The following EFHB variants were observed in gnomAD, a reference collection of about 807,000 sequenced individuals.
EFHB encodes the protein EF-hand domain-containing family member B.
In EFHB, 91 loss-of-function variants were observed where a neutral mutation model predicts 87.2. That is an observed-to-expected ratio of 1.04 (90% CI 0.88 to 1.24). EFHB has a LOEUF of 1.24. EFHB is among the 50% of genes most tolerant of loss of function. The probability of loss-of-function intolerance (pLI) is 0.00; values close to 1 mark genes in which losing one functional copy is unlikely to be tolerated. For missense variants in EFHB, 1,084 were observed against 998.8 expected, an observed-to-expected ratio of 1.09 and a Z score of -1.15; for synonymous variants, 325 against 333.6, an observed-to-expected ratio of 0.97 and a Z score of 0.28.
intron 1 of EFHB, chr3:19,943,107 G>C: frequency 4.0e-6 from 1 of 248,944 alleles, no homozygotes; most frequent in Non-Finnish European, 8.6e-6. Context: ...AATCAGATTT[G>C]GCATCAAAAA....
chr3:19,896,936 G>A, intron 8 of EFHB, 95 bp from the exon 9 acceptor site: 1 of 1,127,742 alleles, frequency 8.9e-7, no homozygotes, highest in East Asian at 2.6e-5. Context: ...CAACCTCTGT[G>A]AATGAAAGAA....
chr3:19,902,457 C>T (rs773313073), intron 6 of EFHB, among the ~76,000 whole-genome samples: 3 of 152,100 alleles, frequency 2.0e-5, no homozygotes, highest in East Asian at 1.9e-4. Flanking sequence ...CGGGTTCAAG[C>T]GATTCTCCTG....
At chr3:19,901,714 C>A (rs1266615747) in intron 6 of EFHB, among the ~76,000 whole-genome samples, 2 of 151,984 alleles carry the variant, frequency 1.3e-5, no homozygotes, top group Non-Finnish European at 2.9e-5. Flanking sequence ...TTTGGGAGGT[C>A]GAAGCAGGTG....
Position 19,942,718 on chromosome 3 carries a change from T to A in EFHB, c.-32+4201A>T, listed in dbSNP as rs117375693. On this transcript the variant is annotated intron_variant, in intron 1 of 14. Coordinates refer to the EFHB transcript ENST00000344838. ...GAGTGACAGATCATCAGGCATTAGA[T>A]TGTCATAAGAAGTGCTAGATCCCTT... Among the ~76,000 whole-genome samples the A allele has an allele frequency of 2.3e-3, 346 of 152,268 alleles. 4 individuals carry two copies. The East Asian group carries it at 0.037, about 16-fold the overall frequency.
chr3:19,926,097 C>A (rs994132801), intron 1 of EFHB, among the ~76,000 whole-genome samples: 1 of 152,098 alleles, frequency 6.6e-6, no homozygotes, highest in Non-Finnish European at 1.5e-5. Context: ...CTAGGAAGGT[C>A]CCACAAGATT....
chr3:19,935,195 C>T (rs1695983319), upstream of EFHB, among the ~76,000 whole-genome samples: 1 of 152,160 alleles, frequency 6.6e-6, no homozygotes, highest in Admixed American at 6.5e-5. Flanking sequence ...AGGCGTGAGC[C>T]ACTGCTCCTG....
At chr3:19,920,437 T>C in intron 2 of EFHB, 68 bp downstream of exon 2, 2 of 1,295,734 alleles carry the variant, frequency 1.5e-6, no homozygotes, top group South Asian at 1.3e-5. Context: ...GAACGTTGAG[T>C]TGCCTATTCC....
chr3:19,946,585 G>A lies in EFHB; in HGVS notation c.-32+334C>T, dbSNP rs143702366. Reference sequence around the variant, plus strand: ...TCAGGCGCCTAAAGGCGGCTTTTGGGATAGGGAGGGTCCTTTCTTCCTCCT... The same window carrying A: ...TCAGGCGCCTAAAGGCGGCTTTTGGAATAGGGAGGGTCCTTTCTTCCTCCT... On this transcript the variant is annotated intron_variant, in intron 1 of 14. Coordinates refer to the EFHB transcript ENST00000344838. Among the ~76,000 whole-genome samples, 1,027 of 152,314 alleles carry A rather than the reference G, an allele frequency of 6.7e-3. 8 individuals are homozygous for A. Among genetic ancestry groups the A allele is most frequent in the Non-Finnish European group, 0.011 (752 of 68,036 alleles).
At chr3:19,884,729 C>T (rs929269552) in intron 10 of EFHB, 114 bp from the exon 11 acceptor site, 2 of 972,692 alleles carry the variant, frequency 2.1e-6, no homozygotes, top group East Asian at 2.5e-5. Context: ...ATGGAAACAG[C>T]TGGCATGACC....
intron 6 of EFHB, among the ~76,000 whole-genome samples, chr3:19,903,176 CAAA>C (rs376542389): frequency 1.5e-5 from 2 of 133,884 alleles, no homozygotes; most frequent in Non-Finnish European, 3.2e-5. Context: ...GACTCCATCT[CAAA>C]AAAAAAAAAA....
intron 9 of EFHB, among the ~76,000 whole-genome samples, chr3:19,889,589 G>A (rs1349941383): frequency 1.3e-5 from 2 of 152,106 alleles, no homozygotes; most frequent in African/African-American, 4.8e-5. Flanking sequence ...AAACTGACTC[G>A]ATGAATTATA....
chr3:19,888,393 T>C, intron 10 of EFHB, 51 bp downstream of exon 10: 1 of 1,087,938 alleles, frequency 9.2e-7, no homozygotes, highest in South Asian at 2.8e-5. Context: ...TAATAATAAA[T>C]TTTAAAATTT....
upstream of EFHB, chr3:19,936,080 C>T (rs749795655): frequency 8.0e-7 from 1 of 1,243,370 alleles, no homozygotes; most frequent in Non-Finnish European, 1.0e-6. Context: ...TCTACAAAAA[C>T]CCCTTAAAAT....
At chr3:19,898,867 T>C (rs1469004520) in intron 7 of EFHB, 22 bp from the exon 8 acceptor site, 1 of 1,609,878 alleles carries the variant, frequency 6.2e-7, no homozygotes, top group Admixed American at 1.7e-5. Flanking sequence ...AACAAATCCT[T>C]AGTTAAAATA....
Position 19,933,469 on chromosome 3 carries a change from T to C in EFHB, c.550A>G (p.Thr184Ala). ...ACCTCCACAGGAAGCTTAATCTCTG[T>C]GTTGGGTTTCATTAAAACACAGGTA... ...ESTCVLMKPN[T>A]EIKLPVEVDI... The change falls in exon 1 of 13, where the codon ACA becomes GCA. Residue 184 changes from threonine to alanine, a missense_variant. Coordinates refer to ENST00000295824, the MANE Select transcript of EFHB (RefSeq NM_144715.4). 1.2e-6 allele frequency: 2 copies of C among 1,613,986 alleles called. No individual in the cohort carries two copies. Among genetic ancestry groups the C allele is most frequent in the Non-Finnish European group, 1.7e-6 (2 of 1,179,892 alleles).
At chr3:19,884,268 G>T in intron 11 of EFHB, 135 bp downstream of exon 11, 1 of 784,710 alleles carries the variant, frequency 1.3e-6, no homozygotes, top group Admixed American at 3.0e-5. Flanking sequence ...CTCCCCAGGT[G>T]GTTAGAATAT....
rs1362903162 is a variant in EFHB, at chr3:19,919,926, AG to A, written c.902del (p.Pro301LeufsTer4). 6.2e-7 allele frequency: 1 copy of A among 1,613,802 alleles called. No individual in the cohort carries two copies. The highest frequency in any genetic ancestry group is 8.5e-7 in the Non-Finnish European group (1 of 1,179,774). ...AKKYFNFRYPPAGVERVFYGR... is the reference protein window; with the variant it reads ...AKKYFNFRYPXAGVERVFYGR... ...CGTAAAATACTCTTTCTACTCCAGC[AG>A]GTGGATATCTGAAGTTGAAATACTT... On this transcript the variant is annotated frameshift_variant, in exon 3 of 13. Transcript: ENST00000295824. LOFTEE classifies it high-confidence loss of function.
Position 19,918,286 on chromosome 3 carries a change from A to G in EFHB, c.1123T>C (p.Leu375=). The part of the protein sequence containing the change: ...LGKSHDQAPG[L]PKGMDTTNTT... ...TTGGTTGTGTCCATGCCTTTTGGTAATCCTGGTGCTTGATCGTGAGATTTT... is the reference window on the plus strand; with the variant it reads ...TTGGTTGTGTCCATGCCTTTTGGTAGTCCTGGTGCTTGATCGTGAGATTTT... The change falls in exon 4 of 13, where the codon TTA becomes CTA. Residue 375 remains leucine, a synonymous_variant. Transcript: ENST00000295824. The G allele has an allele frequency of 6.2e-7, 1 of 1,613,152 alleles. No homozygotes were observed. The highest frequency in any genetic ancestry group is 1.3e-5 in the African/African-American group (1 of 74,868).
At chr3:19,926,175 C>A (rs916059740) in intron 1 of EFHB, among the ~76,000 whole-genome samples, 5 of 152,108 alleles carry the variant, frequency 3.3e-5, no homozygotes, top group African/African-American at 7.2e-5. Context: ...TAGTATAGAA[C>A]AGGAAAAAGC....
Sources: allele counts gnomAD v4.1 joint callset (sites outside exome capture counted in the v4.1 genomes callset), GRCh38; gene constraint gnomAD v4.1.1; transcripts MANE v1.5; gene names NCBI Gene and HGNC (gene_info 2026-07-23, HGNC 2026-07-21).